Variants in SIPA1L1 observed in about 807,000 individuals in gnomAD.
SIPA1L1 encodes the protein signal induced proliferation associated 1 like 1, also known as signal-induced proliferation-associated 1-like protein 1.
Under a neutral mutation model 162.7 loss-of-function variants are expected in SIPA1L1, and 26 were observed. That is an observed-to-expected ratio of 0.16 (90% CI 0.12 to 0.22). The LOEUF is 0.22. Among genes scored for constraint, SIPA1L1 ranks in the 10% least tolerant of loss-of-function variants. The probability of loss-of-function intolerance (pLI) is 1.00; values close to 1 mark genes in which losing one functional copy is unlikely to be tolerated. For synonymous variants in SIPA1L1, 829 were observed against 837.4 expected, an observed-to-expected ratio of 0.99 and a Z score of 0.17; for missense variants, 1,874 against 2,241.0, an observed-to-expected ratio of 0.84 and a Z score of 3.31.
chr14:71,706,942 G>A (rs546604495), intron 16 of SIPA1L1, among the ~76,000 whole-genome samples: 1 of 151,920 alleles, frequency 6.6e-6, no homozygotes, highest in Non-Finnish European at 1.5e-5. Context: ...CTGTGAGACA[G>A]GAGAACCGCT....
intron 19 of SIPA1L1, among the ~76,000 whole-genome samples, chr14:71,725,277 C>T (rs764679794): frequency 6.6e-6 from 1 of 152,224 alleles, no homozygotes; most frequent in Non-Finnish European, 1.5e-5. Flanking sequence ...GTCTGGCAAA[C>T]CTACTGGCCA....
chr14:71,583,337 G>A (rs2034185043), intron 4 of SIPA1L1, among the ~76,000 whole-genome samples: 1 of 152,198 alleles, frequency 6.6e-6, no homozygotes, highest in Non-Finnish European at 1.5e-5. Context: ...CTGAATTATT[G>A]GGGCATTTGA....
chr14:71,584,743 T>C (rs1195356629), intron 4 of SIPA1L1, among the ~76,000 whole-genome samples: 1 of 152,252 alleles, frequency 6.6e-6, no homozygotes, highest in Non-Finnish European at 1.5e-5. Context: ...GGATCTACCA[T>C]AGACTTAGAT....
At chr14:71,423,694 T>C (rs141554767) in intron 2 of SIPA1L1, among the ~76,000 whole-genome samples, 209 of 152,300 alleles carry the variant, frequency 1.4e-3, no homozygotes, top group Non-Finnish European at 2.5e-3. Context: ...GCCAGTACCA[T>C]ATTGTTTTGA....
chr14:71,676,626 T>TC (rs1211713507), intron 12 of SIPA1L1, among the ~76,000 whole-genome samples: 1 of 63,370 alleles, frequency 1.6e-5, no homozygotes, highest in Non-Finnish European at 2.8e-5. Context: ...CCCTCCCCCC[T>TC]CCCCCCACCC....
rs182956917 is a variant in SIPA1L1, at chr14:71,665,780, A to C, written c.2255+4313A>C. Among the ~76,000 whole-genome samples, 98 of 152,312 alleles carry C rather than the reference A, an allele frequency of 6.4e-4. 1 individual carries two copies. Among genetic ancestry groups the C allele is most frequent in the African/African-American group, 2.3e-3 (96 of 41,566 alleles). The stretch of plus-strand genomic sequence containing the variant: ...GAAACCATGGATAGTGCCTACCCCT[A>C]TATATACTATGTTTGTTCCTATATG... On this transcript the variant is annotated intron_variant, in intron 10 of 23. Transcript: ENST00000381232.
intron 6 of SIPA1L1, 28 bp from the exon 7 acceptor site, chr14:71,624,020 C>T: frequency 6.4e-7 from 1 of 1,561,932 alleles, no homozygotes; most frequent in Non-Finnish European, 8.7e-7. Flanking sequence ...TCCCAGAAGC[C>T]TCACCACAGC....
At chr14:71,628,641 C>G (rs2040270192) in intron 7 of SIPA1L1, among the ~76,000 whole-genome samples, 1 of 152,090 alleles carries the variant, frequency 6.6e-6, no homozygotes, top group African/African-American at 2.4e-5. Context: ...GAGACAGGGT[C>G]ATAAATTACT....
rs1380029873 is a variant in SIPA1L1 at position 71,733,852 on chromosome 14, G to A, written c.5008+40G>A. ...TCCACACAAGACAGCCCAGGATCCT[G>A]CAGCGGAGTGAGCAGTCTCCATCCA... On this transcript the variant is annotated intron_variant, in intron 21 of 23. Coordinates refer to ENST00000381232, the MANE Select transcript of SIPA1L1 (RefSeq NM_001386936.1). The A allele has an allele frequency of 1.0e-5, 16 of 1,595,254 alleles. No individual in the cohort carries two copies. The East Asian group carries it at 3.6e-4, about 36-fold the overall frequency.
intron 2 of SIPA1L1, among the ~76,000 whole-genome samples, chr14:71,449,536 A>G (rs990069882): frequency 6.6e-6 from 1 of 152,194 alleles, no homozygotes; most frequent in Non-Finnish European, 1.5e-5. Context: ...GGATGCCTCT[A>G]GGTCCTTATT....
At chr14:71,342,911 C>A (rs530663278) in intron 2 of SIPA1L1, among the ~76,000 whole-genome samples, 150 of 152,172 alleles carry the variant, frequency 9.9e-4, no homozygotes, top group African/African-American at 3.5e-3. Flanking sequence ...CTCCTAAGAA[C>A]GAAGATTAAT....
At chr14:71,350,860 A>G (rs959356213) in intron 2 of SIPA1L1, among the ~76,000 whole-genome samples, 3 of 152,234 alleles carry the variant, frequency 2.0e-5, no homozygotes, top group Non-Finnish European at 2.9e-5. Context: ...CCTTATGAAC[A>G]AGATGGGAAA....
chr14:71,535,311 C>T (rs1361450185), intron 4 of SIPA1L1, among the ~76,000 whole-genome samples: 8 of 152,138 alleles, frequency 5.3e-5, no homozygotes. Context: ...AAGAAAGCAC[C>T]TGTTGAAGGA....
intron 23 of SIPA1L1, 116 bp from the exon 24 acceptor site, chr14:71,738,902 G>A (rs2085568104): frequency 2.4e-6 from 3 of 1,240,744 alleles, no homozygotes; most frequent in Non-Finnish European, 3.3e-6. Flanking sequence ...GGTGTTTGGA[G>A]GAACGAAGAA....
At chr14:71,411,552 C>G (rs760184915) in intron 2 of SIPA1L1, among the ~76,000 whole-genome samples, 2 of 152,168 alleles carry the variant, frequency 1.3e-5, no homozygotes, top group African/African-American at 2.4e-5. Flanking sequence ...GAATCTAGAA[C>G]TTATGTTAGC....
chr14:71,567,986 T>G (rs908512904), intron 4 of SIPA1L1, among the ~76,000 whole-genome samples: 3 of 152,246 alleles, frequency 2.0e-5, no homozygotes, highest in African/African-American at 7.2e-5. Flanking sequence ...TGTATTATAA[T>G]TAGCGTATAA....
intron 2 of SIPA1L1, among the ~76,000 whole-genome samples, chr14:71,323,935 T>G (rs1379154809): frequency 6.6e-6 from 1 of 152,234 alleles, no homozygotes; most frequent in Non-Finnish European, 1.5e-5. Flanking sequence ...GGCAATTATT[T>G]TTGAATTTTA....
At chr14:71,360,624 CT>C (rs2037718755) in intron 2 of SIPA1L1, among the ~76,000 whole-genome samples, 1 of 152,144 alleles carries the variant, frequency 6.6e-6, no homozygotes, top group Non-Finnish European at 1.5e-5. Context: ...GTATTTATGT[CT>C]TTCTCTTTTT....
At chr14:71,577,931 TAC>T (rs2033350334) in intron 4 of SIPA1L1, among the ~76,000 whole-genome samples, 1 of 151,580 alleles carries the variant, frequency 6.6e-6, no homozygotes, top group Non-Finnish European at 1.5e-5. Flanking sequence ...CTTTCTCCGA[TAC>T]AGAGTCTTGC....
Sources: allele counts gnomAD v4.1 joint callset (sites outside exome capture counted in the v4.1 genomes callset), GRCh38; gene constraint gnomAD v4.1.1; transcripts MANE v1.5; gene names NCBI Gene and HGNC (gene_info 2026-07-23, HGNC 2026-07-21).